Variants in ELL observed in about 807,000 individuals in gnomAD.
The protein encoded by ELL is RNA polymerase II elongation factor ELL.
In ELL, 18 loss-of-function variants were observed where a neutral mutation model predicts 64.0. The ratio of observed to expected loss-of-function variants is 0.28; its 90% confidence interval spans 0.19 to 0.42. The LOEUF is 0.42. Ranked by LOEUF, ELL falls within the 10% of genes least tolerant of loss-of-function variation. The probability of loss-of-function intolerance (pLI) is 1.00; values close to 1 mark genes in which losing one functional copy is unlikely to be tolerated. For synonymous variants in ELL, 399 were observed against 376.2 expected (o/e 1.06, Z -0.70); for missense variants, 797 against 870.4 (o/e 0.92, Z 1.06).
At chr19:18,445,119 C>A in intron 11 of ELL, 105 bp downstream of exon 11, 1 of 1,503,214 alleles carries the variant, frequency 6.7e-7, no homozygotes, top group Non-Finnish European at 9.2e-7. Flanking sequence ...AGGCTCTTCC[C>A]CCACACCTTG....
chr19:18,492,193 C>G (rs1975546949), intron 1 of ELL, among the ~76,000 whole-genome samples: 1 of 152,134 alleles, frequency 6.6e-6, no homozygotes, highest in Non-Finnish European at 1.5e-5. Context: ...CTGGCCACAC[C>G]ATGGGGTTAC....
chr19:18,503,401 T>A (rs1046758218), intron 1 of ELL, among the ~76,000 whole-genome samples: 5 of 151,974 alleles, frequency 3.3e-5, no homozygotes, highest in African/African-American at 1.2e-4. Flanking sequence ...CCCCAGCAAG[T>A]GGGGGGCACG....
chr19:18,493,932 G>C (rs775388546), intron 1 of ELL, among the ~76,000 whole-genome samples: 5 of 152,210 alleles, frequency 3.3e-5, no homozygotes, highest in Admixed American at 2.0e-4. Flanking sequence ...ACAGTAAAGT[G>C]AGTTCATGGC....
intron 1 of ELL, among the ~76,000 whole-genome samples, chr19:18,479,351 A>G (rs1219978032): frequency 6.6e-6 from 1 of 152,228 alleles, no homozygotes; most frequent in Non-Finnish European, 1.5e-5. Flanking sequence ...TCTATGGGAA[A>G]AAAGACCTGC....
At chr19:18,514,860 C>A (rs1483127783) in intron 1 of ELL, among the ~76,000 whole-genome samples, 2 of 152,252 alleles carry the variant, frequency 1.3e-5, no homozygotes, top group Non-Finnish European at 2.9e-5. Context: ...CCCTGAGAAG[C>A]AGACCTCTGA....
chr19:18,493,858 C>T (rs1975587308), intron 1 of ELL, among the ~76,000 whole-genome samples: 1 of 152,228 alleles, frequency 6.6e-6, no homozygotes, highest in South Asian at 2.1e-4. Context: ...TGTCTGCACA[C>T]ACAGATGTCC....
chr19:18,482,427 CCTGCCTCTGCCT>C (rs551338878), intron 1 of ELL, among the ~76,000 whole-genome samples: 64 of 146,522 alleles, frequency 4.4e-4, no homozygotes, highest in Non-Finnish European at 5.2e-4. Flanking sequence ...AAGCAATTCT[CCTGCCTCTGCCT>C]CTGCCTCTGC....
Position 18,444,670 on chromosome 19 carries a change from G to A in ELL, c.*82C>T, listed in dbSNP as rs528461442. On this transcript the variant is annotated 3_prime_UTR_variant, in exon 12 of 12. Transcript: ENST00000262809. ...GCTGGCTCAGATGAGCATCTTCCTC[G>A]GGTTTATTTTTTTAAATAAATCCTC... The A allele has an allele frequency of 4.5e-5, 63 of 1,406,688 alleles. No individual in the cohort carries two copies. Among genetic ancestry groups the A allele is most frequent in the South Asian group, 2.4e-4 (18 of 75,890 alleles). The allele number at this position is 1,406,688 out of a possible 1,614,324, so 87.1% of individuals were successfully genotyped here.
intron 6 of ELL, among the ~76,000 whole-genome samples, chr19:18,454,324 C>T (rs1476066418): frequency 6.6e-6 from 1 of 151,788 alleles, no homozygotes; most frequent in East Asian, 2.0e-4. Flanking sequence ...ACGGTGAAAC[C>T]TCATCTCTAC....
intron 1 of ELL, among the ~76,000 whole-genome samples, chr19:18,512,450 C>A (rs963100428): frequency 6.6e-6 from 1 of 152,062 alleles, no homozygotes; most frequent in Non-Finnish European, 1.5e-5. Flanking sequence ...CCACCCTGGG[C>A]AACATGGTGA....
chr19:18,480,339 G>A (rs1975272791), intron 1 of ELL, among the ~76,000 whole-genome samples: 2 of 152,236 alleles, frequency 1.3e-5, no homozygotes, highest in Non-Finnish European at 2.9e-5. Flanking sequence ...GTGACTGAGT[G>A]GGGCTGTCTC....
At chr19:18,497,498 T>A (rs188003208) in intron 1 of ELL, among the ~76,000 whole-genome samples, 1 of 152,158 alleles carries the variant, frequency 6.6e-6, no homozygotes, top group Admixed American at 6.5e-5. Flanking sequence ...CAAGAGTGTG[T>A]CCCAGTGGAA....
rs1434493607 is a variant in ELL at position 18,442,953 on chromosome 19, T to G, written c.*1799A>C. ...TCCACCAACCCCCAAAACACAAAAC[T>G]TTTCTTAGCTTCATAATTCCTTAAA... On this transcript the variant is annotated 3_prime_UTR_variant, in exon 12 of 12. Transcript: ENST00000262809. 1 of 231,492 alleles carries G rather than the reference T, an allele frequency of 4.3e-6. No individual in the cohort carries two copies. Among genetic ancestry groups the G allele is most frequent in the Non-Finnish European group, 8.6e-6 (1 of 116,784 alleles). The allele number at this position is 231,492 out of a possible 1,614,324, so 14.3% of individuals were successfully genotyped here. A position where few individuals can be genotyped will look rare whatever the true frequency, so the allele number is the denominator to read the frequency against.
At position 18,449,585 on chromosome 19, in the gene ELL, C is replaced by A. The variant is rs576270884; in HGVS notation, c.1465+892G>T. ...GCAAAGCTATAATGAAAGAAGGGCT[C>A]CCACCCTCATCCCAGGAATCCCCTG... On this transcript the variant is annotated intron_variant, in intron 8 of 11. Coordinates refer to ENST00000262809, the MANE Select transcript of ELL (RefSeq NM_006532.4). This position sits in a 1 kb window ranked among gnomAD's most constrained non-coding sequence, Gnocchi z 4.4. Among the ~76,000 whole-genome samples the A allele has an allele frequency of 5.6e-4, 86 of 152,284 alleles. No individual in the cohort carries two copies. Among genetic ancestry groups the A allele is most frequent in the Admixed American group, 2.1e-3 (32 of 15,306 alleles).
intron 1 of ELL, among the ~76,000 whole-genome samples, chr19:18,513,510 G>A (rs1976070256): frequency 6.6e-6 from 1 of 152,178 alleles, no homozygotes. Flanking sequence ...GTGCAAAGGT[G>A]TCAACAGAAA....
intron 1 of ELL, among the ~76,000 whole-genome samples, chr19:18,515,907 G>A (rs1221295348): frequency 6.6e-6 from 1 of 152,136 alleles, no homozygotes. Context: ...TGTCGTGAAG[G>A]GGGACCATAA....
intron 1 of ELL, among the ~76,000 whole-genome samples, chr19:18,520,704 C>T (rs1159628607): frequency 6.7e-6 from 1 of 148,458 alleles, no homozygotes; most frequent in African/African-American, 2.5e-5. Flanking sequence ...TCCTCCCCCG[C>T]CCGCGGCACC....
intron 2 of ELL, chr19:18,471,035 G>A (rs1470222253): frequency 4.4e-6 from 2 of 453,112 alleles, no homozygotes; most frequent in African/African-American, 2.0e-5. Context: ...GAGCTCTCAG[G>A]CTGTGGACAG....
intron 5 of ELL, among the ~76,000 whole-genome samples, chr19:18,458,865 G>A (rs1014168590): frequency 7.2e-5 from 11 of 152,094 alleles, no homozygotes; most frequent in African/African-American, 1.2e-4. Context: ...GGGCTCAAGC[G>A]ATCCTCTGAT....
Sources: allele counts gnomAD v4.1 joint callset (sites outside exome capture counted in the v4.1 genomes callset), GRCh38; gene constraint gnomAD v4.1.1; non-coding constraint Gnocchi (gnomAD v3.1); transcripts MANE v1.5; gene names NCBI Gene and HGNC (gene_info 2026-07-23, HGNC 2026-07-21).